The following ANKS3 variants were observed in gnomAD, a reference collection of about 807,000 sequenced individuals.
ANKS3 encodes the protein ankyrin repeat and SAM domain-containing protein 3.
ANKS3 carries 62 observed loss-of-function variants against 80.7 expected under a neutral mutation model. That is an observed-to-expected ratio of 0.77 (90% CI 0.63 to 0.95). ANKS3 has a LOEUF of 0.95. Among genes scored for constraint, ANKS3 ranks in the 40% least tolerant of loss-of-function variants. The pLI is 0.00. For missense variants in ANKS3, 1,150 were observed against 883.6 expected, an observed-to-expected ratio of 1.30 and a Z score of -3.82; for synonymous variants, 489 against 355.3, an observed-to-expected ratio of 1.38 and a Z score of -4.23.
chr16:4,712,568 G>A (rs1369354431), intron 7 of ANKS3, among the ~76,000 whole-genome samples: 1 of 152,150 alleles, frequency 6.6e-6, no homozygotes, highest in Non-Finnish European at 1.5e-5. Flanking sequence ...TCTACCATAT[G>A]AAAATTCACC....
Position 4,726,722 on chromosome 16 carries a change from G to C in ANKS3, c.428C>G (p.Thr143Ser). The C allele has an allele frequency of 6.2e-7, 1 of 1,614,206 alleles. No homozygotes were observed. Among genetic ancestry groups the C allele is most frequent in the Non-Finnish European group, 8.5e-7 (1 of 1,180,018 alleles). ...GACCATGTGCTGGTGCCCGGCGCTG[G>C]TACAGTGGAAGAGGGCTGTCCAGCC... Reference protein sequence around the residue: ...IQGWTALFHCTSAGHQHMVRF... With the variant: ...IQGWTALFHCSSAGHQHMVRF... Residue 143 changes from threonine (T) to serine (S), a missense_variant, in exon 5 of 18, where the codon ACC becomes AGC. Thr to Ser is a moderately conservative substitution (Grantham distance 58, BLOSUM62 1). Coordinates refer to ENST00000304283, the MANE Select transcript of ANKS3 (RefSeq NM_133450.4).
chr16:4,721,503 TG>T (rs2081091403), intron 6 of ANKS3, among the ~76,000 whole-genome samples: 1 of 149,824 alleles, frequency 6.7e-6, no homozygotes, highest in Non-Finnish European at 1.5e-5. Flanking sequence ...CCCAGCTACT[TG>T]GGAGGCTGAG....
At chr16:4,726,895 C>G in intron 4 of ANKS3, 84 bp downstream of exon 4, 1 of 1,602,646 alleles carries the variant, frequency 6.2e-7, no homozygotes, top group Non-Finnish European at 8.5e-7. Context: ...CACACGAACA[C>G]CGTGGCCTGC....
At chr16:4,700,701 T>G in intron 11 of ANKS3, 1 of 571,740 alleles carries the variant, frequency 1.7e-6, no homozygotes, top group Non-Finnish European at 3.2e-6. Context: ...AGTGTGCTTT[T>G]CTTCTCCCCA....
chr16:4,720,487 C>T (rs2081034349), intron 6 of ANKS3, among the ~76,000 whole-genome samples: 1 of 149,906 alleles, frequency 6.7e-6, no homozygotes, highest in Non-Finnish European at 1.5e-5. Context: ...GTCTAACACC[C>T]TAAGGGGAGG....
At chr16:4,706,946 C>T (rs2080226079) in intron 7 of ANKS3, among the ~76,000 whole-genome samples, 1 of 152,224 alleles carries the variant, frequency 6.6e-6, no homozygotes, top group South Asian at 2.1e-4. Flanking sequence ...AGCTCAGGCC[C>T]TGAACGTGGG....
intron 9 of ANKS3, 104 bp from the exon 10 acceptor site, chr16:4,701,647 T>C (rs1372117711): frequency 5.0e-5 from 47 of 942,240 alleles, no homozygotes; most frequent in Non-Finnish European, 6.7e-5. Context: ...CCTTGGGGCC[T>C]GCAGCGGTTG....
intron 8 of ANKS3, among the ~76,000 whole-genome samples, 190 bp downstream of exon 8, chr16:4,704,905 G>A (rs1248573352): frequency 3.3e-5 from 5 of 152,226 alleles, no homozygotes; most frequent in African/African-American, 7.2e-5. Flanking sequence ...GAGCTAGTCC[G>A]TGACCAATGC....
chr16:4,699,478 A>G (rs1030114717), intron 11 of ANKS3: 4 of 396,950 alleles, frequency 1.0e-5, no homozygotes, highest in East Asian at 9.7e-5. Context: ...GATCTCGACA[A>G]TGCTTTGTAG....
At chr16:4,728,755 G>A (rs1596460328) in intron 3 of ANKS3, among the ~76,000 whole-genome samples, 1 of 152,168 alleles carries the variant, frequency 6.6e-6, no homozygotes, top group Non-Finnish European at 1.5e-5. Context: ...CATCTTAACA[G>A]GACACCCAAA....
intron 5 of ANKS3, among the ~76,000 whole-genome samples, chr16:4,726,120 C>T (rs887289976): frequency 1.3e-5 from 2 of 151,736 alleles, no homozygotes; most frequent in African/African-American, 2.4e-5. Flanking sequence ...GGACTACAGG[C>T]GCCCGTCACC....
At chr16:4,701,980 C>CT in intron 9 of ANKS3, 122 bp downstream of exon 9, 2 of 1,273,272 alleles carry the variant, frequency 1.6e-6, no homozygotes, top group Non-Finnish European at 2.1e-6. Flanking sequence ...ACACCTACCC[C>CT]TTTCCTGTCC....
At chr16:4,700,789 G>A (rs771857489) in intron 11 of ANKS3, 181 bp downstream of exon 11, 2 of 848,372 alleles carry the variant, frequency 2.4e-6, no homozygotes, top group African/African-American at 1.6e-5. Context: ...TAGAAGCGCT[G>A]CAGCGGGGCT....
At chr16:4,718,618 T>G (rs2080930920) in intron 6 of ANKS3, among the ~76,000 whole-genome samples, 1 of 152,214 alleles carries the variant, frequency 6.6e-6, no homozygotes, top group African/African-American at 2.4e-5. Context: ...CTCCTCTGGC[T>G]CCAGGTGGTC....
chr16:4,706,298 A>T (rs1319880446), intron 7 of ANKS3, among the ~76,000 whole-genome samples: 3 of 151,498 alleles, frequency 2.0e-5, no homozygotes, highest in East Asian at 1.9e-4. Flanking sequence ...TGGTGCGATC[A>T]CGGCTCACTG....
intron 6 of ANKS3, among the ~76,000 whole-genome samples, chr16:4,717,989 G>A (rs916446883): frequency 3.3e-5 from 5 of 152,052 alleles, no homozygotes; most frequent in African/African-American, 1.2e-4. Context: ...TGGCCAGGCT[G>A]GTCTTGAACT....
intron 6 of ANKS3, among the ~76,000 whole-genome samples, chr16:4,721,227 C>A (rs1382703166): frequency 6.8e-6 from 1 of 148,040 alleles, no homozygotes; most frequent in African/African-American, 2.5e-5. Flanking sequence ...ATGGTGTGAA[C>A]CCGGAAGTCT....
chr16:4,713,997 A>T (rs2080638094), intron 7 of ANKS3, 54 bp downstream of exon 7: 2 of 1,596,142 alleles, frequency 1.3e-6, no homozygotes. Flanking sequence ...CAGGTCACCT[A>T]AAGCTCAAGG....
intron 6 of ANKS3, among the ~76,000 whole-genome samples, chr16:4,718,970 G>T (rs2080946946): frequency 6.6e-6 from 1 of 152,186 alleles, no homozygotes; most frequent in South Asian, 2.1e-4. Context: ...GAAAACATAT[G>T]CATGTTATAC....
Sources: allele counts gnomAD v4.1 joint callset (sites outside exome capture counted in the v4.1 genomes callset), GRCh38; gene constraint gnomAD v4.1.1; transcripts MANE v1.5; gene names NCBI Gene and HGNC (gene_info 2026-07-23, HGNC 2026-07-21).